LARP4: variants seen among roughly 807,000 people sequenced by gnomAD.
The protein encoded by LARP4 is La ribonucleoprotein 4, also known as la-related protein 4.
LARP4 carries 29 observed loss-of-function variants against 92.9 expected under a neutral mutation model. That is an observed-to-expected ratio of 0.31 (90% CI 0.23 to 0.43). The LOEUF (loss-of-function observed/expected upper bound fraction) is 0.43, where lower values mean the gene tolerates loss of function less well. Ranked by LOEUF, LARP4 falls within the 20% of genes least tolerant of loss-of-function variation. The probability of loss-of-function intolerance (pLI) is 1.00; values close to 1 mark genes in which losing one functional copy is unlikely to be tolerated. For synonymous variants in LARP4, 279 were observed against 284.1 expected (o/e 0.98, Z 0.18); for missense variants, 732 against 860.0 (o/e 0.85, Z 1.86).
Position 50,461,244 on chromosome 12 carries a change from G to A in LARP4, c.1231G>A (p.Glu411Lys), listed in dbSNP as rs375041452. ...ATATAGTTCAAGAAACTTTCCAGCTGAACGGCATAACCCCACAGTAACTGG... is the reference window on the plus strand; with the variant it reads ...ATATAGTTCAAGAAACTTTCCAGCTAAACGGCATAACCCCACAGTAACTGG... ...NRYSSRNFPA[E>K]RHNPTVTGHQ... Residue 411 changes from glutamate to lysine, a missense_variant, in exon 11 of 16, where the codon GAA becomes AAA. This residue lies in a region of LARP4 where 264 missense variants were observed against 269.5 expected (regional missense o/e 0.98). Transcript: ENST00000398473. The A allele has an allele frequency of 3.1e-6, 5 of 1,613,936 alleles. No individual in the cohort carries two copies. In the African/African-American group the frequency reaches 6.7e-5, roughly 22 times the overall value.
intron 4 of LARP4, among the ~76,000 whole-genome samples, chr12:50,434,520 G>A (rs1950140785): frequency 6.6e-6 from 1 of 150,736 alleles, no homozygotes; most frequent in African/African-American, 2.4e-5. Flanking sequence ...CCAGGTTCAA[G>A]CGATTCTCTT....
intron 8 of LARP4, among the ~76,000 whole-genome samples, chr12:50,449,843 T>C (rs1374135661): frequency 6.6e-6 from 1 of 151,802 alleles, no homozygotes; most frequent in Non-Finnish European, 1.5e-5. Flanking sequence ...TATTTAAACA[T>C]ATTTGGGGTG....
chr12:50,458,637 A>G (rs190081984), intron 10 of LARP4, among the ~76,000 whole-genome samples: 5 of 152,380 alleles, frequency 3.3e-5, no homozygotes, highest in East Asian at 1.9e-4. Flanking sequence ...ACTGAGATAT[A>G]TAAACTGCAA....
intron 7 of LARP4, among the ~76,000 whole-genome samples, chr12:50,440,905 A>G (rs1593127404): frequency 6.7e-6 from 1 of 149,388 alleles, no homozygotes; most frequent in African/African-American, 2.5e-5. Context: ...TTTTTTTGAG[A>G]CGGAGTCTCA....
chr12:50,425,152 G>T (rs1330844581), intron 1 of LARP4, among the ~76,000 whole-genome samples: 1 of 151,232 alleles, frequency 6.6e-6, no homozygotes, highest in Non-Finnish European at 1.5e-5. Context: ...GTCTCAAAAA[G>T]GAAGAAAAAA....
intron 8 of LARP4, among the ~76,000 whole-genome samples, chr12:50,451,184 C>A (rs1953124164): frequency 6.6e-6 from 1 of 152,198 alleles, no homozygotes; most frequent in African/African-American, 2.4e-5. Flanking sequence ...TCTTCTAACA[C>A]AAACTTTATA....
At chr12:50,433,801 G>A (rs774099333) in intron 4 of LARP4, among the ~76,000 whole-genome samples, 1 of 152,042 alleles carries the variant, frequency 6.6e-6, no homozygotes, top group Admixed American at 6.6e-5. Context: ...AACCGTGCCT[G>A]GCTAAGTTTT....
chr12:50,451,582 C>G (rs1953196729), intron 8 of LARP4, among the ~76,000 whole-genome samples: 1 of 152,196 alleles, frequency 6.6e-6, no homozygotes, highest in African/African-American at 2.4e-5. Flanking sequence ...TGCCTGTAAT[C>G]CTAGCACTTT....
chr12:50,433,544 G>T (rs1351910707), intron 4 of LARP4, among the ~76,000 whole-genome samples: 1 of 151,940 alleles, frequency 6.6e-6, no homozygotes. Flanking sequence ...TTTAAGAATA[G>T]ACCTGCTAAA....
intron 6 of LARP4, 151 bp from the exon 7 acceptor site, chr12:50,440,288 C>G (rs1005669906): frequency 1.3e-5 from 8 of 618,428 alleles, no homozygotes; most frequent in African/African-American, 1.1e-4. Flanking sequence ...TTGAAACAGC[C>G]CATCCTCAGT....
intron 2 of LARP4, among the ~76,000 whole-genome samples, chr12:50,428,217 G>T (rs1050095798): frequency 1.3e-5 from 2 of 151,770 alleles, no homozygotes; most frequent in African/African-American, 4.8e-5. Flanking sequence ...TAGTAGAGAT[G>T]GGGTTTCACC....
chr12:50,451,981 C>T (rs1182945527), intron 8 of LARP4, among the ~76,000 whole-genome samples: 7 of 151,962 alleles, frequency 4.6e-5, no homozygotes, highest in Non-Finnish European at 8.8e-5. Flanking sequence ...CCAGCCTGGG[C>T]GACAGAGCAA....
At chr12:50,466,617 A>G (rs1044019666) in intron 12 of LARP4, among the ~76,000 whole-genome samples, 1 of 152,194 alleles carries the variant, frequency 6.6e-6, no homozygotes, top group African/African-American at 2.4e-5. Flanking sequence ...CTGTCTCAAA[A>G]AAAAAAGAGT....
chr12:50,439,650 A>G (rs185808266), intron 6 of LARP4, among the ~76,000 whole-genome samples: 142 of 151,856 alleles, frequency 9.4e-4, no homozygotes, highest in South Asian at 4.6e-3. Context: ...CCCTACTTCA[A>G]TCTCCCAAAG....
At chr12:50,447,216 ACT>A in intron 8 of LARP4, among the ~76,000 whole-genome samples, 2 of 152,210 alleles carry the variant, frequency 1.3e-5, no homozygotes, top group Non-Finnish European at 2.9e-5. Context: ...GATTTGGGAT[ACT>A]CAACTGGAAA....
At position 50,475,672 on chromosome 12, in the gene LARP4, T is replaced by G; in HGVS notation, c.1983T>G (p.Val661=). Residue 661 remains valine, a synonymous_variant, in exon 16 of 16, where the codon GTT becomes GTG. Coordinates refer to ENST00000398473, the MANE Select transcript of LARP4 (RefSeq NM_052879.5). ...ACAATGGAGCTCCTGAGAACTCCGT[T>G]GAGAAACCACATGAGAAGCCAGAAG... ...NEDNGAPENS[V]EKPHEKPEAR... 1 of 1,614,100 alleles carries G rather than the reference T, an allele frequency of 6.2e-7. No individual in the cohort carries two copies. The highest frequency in any genetic ancestry group is 1.1e-5 in the South Asian group (1 of 91,068).
At chr12:50,431,221 TC>T (rs1395191242) in intron 4 of LARP4, among the ~76,000 whole-genome samples, 2 of 151,998 alleles carry the variant, frequency 1.3e-5, no homozygotes, top group African/African-American at 4.8e-5. Context: ...TGAGCTGAGA[TC>T]GCACCATTGC....
At chr12:50,444,330 A>G (rs1003023491) in intron 8 of LARP4, among the ~76,000 whole-genome samples, 10 of 151,516 alleles carry the variant, frequency 6.6e-5, no homozygotes, top group South Asian at 2.1e-4. Context: ...TCTTATTTCT[A>G]TTGCTTTTGC....
rs1957651330 is a variant in LARP4 at position 50,477,986 on chromosome 12, G to A, written c.*2122G>A. Reference sequence around the variant, plus strand: ...CATTTTGTAAAAATCACTTGGTAAGGATTATAAACTTAATTACTGCACTTA... The same window carrying A: ...CATTTTGTAAAAATCACTTGGTAAGAATTATAAACTTAATTACTGCACTTA... On this transcript the variant is annotated 3_prime_UTR_variant, in exon 16 of 16. Transcript: ENST00000398473. The A allele has an allele frequency of 6.6e-6, 1 of 152,480 alleles. No homozygotes were observed. Among genetic ancestry groups the A allele is most frequent in the Non-Finnish European group, 1.5e-5 (1 of 67,932 alleles). 9.4% of individuals were successfully genotyped at this position (152,480 alleles called of 1,614,324 possible).
Sources: allele counts gnomAD v4.1 joint callset (sites outside exome capture counted in the v4.1 genomes callset), GRCh38; gene constraint gnomAD v4.1.1; regional missense constraint gnomAD v4.1.1; transcripts MANE v1.5; gene names NCBI Gene and HGNC (gene_info 2026-07-23, HGNC 2026-07-21).